The following GRM7 variants were observed in gnomAD, a reference collection of about 807,000 sequenced individuals.
The protein encoded by GRM7 is glutamate metabotropic receptor 7, also known as metabotropic glutamate receptor 7.
Under a neutral mutation model 84.5 loss-of-function variants are expected in GRM7, and 35 were observed. That is an observed-to-expected ratio of 0.41 (90% confidence interval 0.32 to 0.55). The LOEUF (loss-of-function observed/expected upper bound fraction) is 0.55. Among genes scored for constraint, GRM7 ranks in the 20% least tolerant of loss-of-function variants. The pLI, the probability that GRM7 is intolerant of heterozygous loss-of-function variation, is 0.19. For synonymous variants in GRM7, 487 were observed against 455.1 expected, an observed-to-expected ratio of 1.07 and a Z score of -0.89; for missense variants, 1,003 against 1,194.6, an observed-to-expected ratio of 0.84 and a Z score of 2.36.
chr3:7,645,723 A>G (rs1325770529), intron 8 of GRM7, among the ~76,000 whole-genome samples: 2 of 152,008 alleles, frequency 1.3e-5, no homozygotes, highest in African/African-American at 2.4e-5. Context: ...TCTGTGTGCT[A>G]CTGGGAGAAA....
rs147257926 is a variant in GRM7 at position 7,464,658 on chromosome 3, G to A, written c.1515+2936G>A. On this transcript the variant is annotated intron_variant, in intron 7 of 9. Transcript: ENST00000357716. ...ATCCTGGCTAACACTGTGAAACCCC[G>A]TCTCTAAAAATACAAAAAAATTAGC... 1.9e-3 allele frequency among the ~76,000 whole-genome samples: 294 copies of A among 151,690 alleles called. 2 individuals are homozygous for A. The highest frequency in any genetic ancestry group is 6.8e-3 in the Middle Eastern group (2 of 294).
At chr3:7,421,575 G>T (rs1696394910) in intron 5 of GRM7, among the ~76,000 whole-genome samples, 1 of 151,936 alleles carries the variant, frequency 6.6e-6, no homozygotes, top group Non-Finnish European at 1.5e-5. Flanking sequence ...TATTTGTGAG[G>T]CTTTGCTCTG....
At chr3:7,479,816 C>A (rs1035788257) in intron 7 of GRM7, among the ~76,000 whole-genome samples, 4 of 152,102 alleles carry the variant, frequency 2.6e-5, no homozygotes, top group African/African-American at 9.7e-5. Flanking sequence ...CTGTAGTTCA[C>A]AGTCATAACT....
intron 7 of GRM7, among the ~76,000 whole-genome samples, chr3:7,493,188 G>T (rs1699584098): frequency 6.6e-6 from 1 of 151,950 alleles, no homozygotes; most frequent in Non-Finnish European, 1.5e-5. Context: ...ACATCTTTTT[G>T]GTTGACTATA....
At position 7,352,054 on chromosome 3, in the gene GRM7, A is replaced by AC. The variant is rs1376050905; in HGVS notation, c.1033+45403dup. ...CTCTCTCTCTCTCACACACACACAC[A>AC]CACCACACACACACACACACACACA... On this transcript the variant is annotated intron_variant, in intron 4 of 9. Transcript: ENST00000357716. Among the ~76,000 whole-genome samples, 366 of 104,952 alleles carry AC rather than the reference A, an allele frequency of 3.5e-3. 1 individual carries two copies. Among genetic ancestry groups the AC allele is most frequent in the African/African-American group, 0.011 (294 of 25,872 alleles). 68.9% of individuals were successfully genotyped at this position (104,952 alleles called of 152,430 possible).
At chr3:7,458,129 T>C (rs989846504) in intron 6 of GRM7, among the ~76,000 whole-genome samples, 13 of 152,210 alleles carry the variant, frequency 8.5e-5, no homozygotes, top group Non-Finnish European at 1.0e-4. Flanking sequence ...ATCTGGGCTA[T>C]CTGAATCTCT....
chr3:7,585,716 C>G (rs1045191796), intron 8 of GRM7, among the ~76,000 whole-genome samples: 1 of 152,172 alleles, frequency 6.6e-6, no homozygotes, highest in Admixed American at 6.5e-5. Context: ...CACTGAGAGA[C>G]ACAGCCACAG....
chr3:7,628,785 G>A (rs1430867226), intron 8 of GRM7, among the ~76,000 whole-genome samples: 1 of 152,112 alleles, frequency 6.6e-6, no homozygotes, highest in African/African-American at 2.4e-5. Flanking sequence ...CCAGCACTTG[G>A]CCCAGGTCTC....
intron 1 of GRM7, among the ~76,000 whole-genome samples, chr3:7,040,308 C>CT (rs550426466): frequency 0.12 from 18,049 of 146,500 alleles, 3,689 homozygotes; most frequent in African/African-American, 0.42. Flanking sequence ...TCTGTAAACT[C>CT]TTTTTTTTTT....
chr3:7,506,242 TC>T (rs1289691461), intron 7 of GRM7, among the ~76,000 whole-genome samples: 1 of 152,182 alleles, frequency 6.6e-6, no homozygotes, highest in Non-Finnish European at 1.5e-5. Flanking sequence ...ACCTCCTTTC[TC>T]ATTTCCATCT....
chr3:7,257,060 T>A (rs1232651282), intron 2 of GRM7, among the ~76,000 whole-genome samples: 1 of 152,184 alleles, frequency 6.6e-6, no homozygotes, highest in Non-Finnish European at 1.5e-5. Flanking sequence ...ATTTCCTGCC[T>A]CCAATTTTAA....
At chr3:7,524,495 C>CAA (rs1700717069) in intron 7 of GRM7, among the ~76,000 whole-genome samples, 1 of 88,176 alleles carries the variant, frequency 1.1e-5, no homozygotes, top group African/African-American at 7.1e-5. Context: ...ATTTATGCAG[C>CAA]CAAAAAACAC....
chr3:7,144,062 G>C (rs183461512), intron 1 of GRM7, among the ~76,000 whole-genome samples: 2 of 152,184 alleles, frequency 1.3e-5, no homozygotes, highest in Non-Finnish European at 2.9e-5. Flanking sequence ...TTGAACAGCA[G>C]TCTGAGAGTG....
intron 7 of GRM7, among the ~76,000 whole-genome samples, chr3:7,539,699 C>A (rs1200679384): frequency 4.8e-5 from 7 of 147,072 alleles, no homozygotes; most frequent in Admixed American, 3.4e-4. Context: ...AAAAAAAAGT[C>A]TCTCACTCAT....
intron 2 of GRM7, among the ~76,000 whole-genome samples, chr3:7,291,382 C>G (rs1332569798): frequency 6.6e-6 from 1 of 151,988 alleles, no homozygotes; most frequent in Non-Finnish European, 1.5e-5. Flanking sequence ...TCTGGTTTAC[C>G]ACTTTTAAGG....
At chr3:7,379,916 C>T (rs1181072904) in intron 4 of GRM7, among the ~76,000 whole-genome samples, 2 of 152,176 alleles carry the variant, frequency 1.3e-5, no homozygotes, top group Non-Finnish European at 2.9e-5. Context: ...CTGCCGCCTT[C>T]CCTTCATCAT....
chr3:7,208,478 T>A (rs1002962917), intron 2 of GRM7, among the ~76,000 whole-genome samples: 2 of 152,196 alleles, frequency 1.3e-5, no homozygotes, highest in African/African-American at 4.8e-5. Flanking sequence ...GGATACAGAT[T>A]TATTTTAAAA....
chr3:7,625,220 A>T (rs1697552130), intron 8 of GRM7, among the ~76,000 whole-genome samples: 2 of 152,140 alleles, frequency 1.3e-5, no homozygotes, highest in Non-Finnish European at 2.9e-5. Context: ...GAGGCCAGCA[A>T]TGCGGTGGTG....
rs922080024 is a variant in GRM7 at position 7,245,531 on chromosome 3, G to A, written c.737-53153G>A. ...GCAAATTATGGAGAAAAAGGAGAAG[G>A]AAACAAAAAGTAAAAGTAAAATCAT... On this transcript the variant is annotated intron_variant, in intron 2 of 9. Coordinates refer to ENST00000357716, the MANE Select transcript of GRM7 (RefSeq NM_000844.4). Among the ~76,000 whole-genome samples, 5 of 151,644 alleles carry A rather than the reference G, an allele frequency of 3.3e-5. No individual in the cohort carries two copies. In the East Asian group the frequency reaches 9.7e-4, roughly 29 times the overall value.
Sources: gnomAD v4.1 joint callset for allele counts (sites outside exome capture counted in the v4.1 genomes callset) on GRCh38, gnomAD v4.1.1 for gene constraint, MANE v1.5 for transcripts, NCBI Gene and HGNC (gene_info 2026-07-23, HGNC 2026-07-21) for gene names.